Variants in LIN9 observed in about 807,000 individuals in gnomAD.
LIN9 encodes the protein protein lin-9 homolog.
LIN9 carries 18 observed loss-of-function variants against 78.0 expected under a neutral mutation model. The observed-to-expected ratio is 0.23, with a 90% CI of 0.16 to 0.34. The LOEUF (loss-of-function observed/expected upper bound fraction) is 0.34, where lower values mean the gene tolerates loss of function less well. LIN9 is among the 10% of genes least tolerant of loss of function. LIN9 has a pLI of 1.00. For missense variants in LIN9, 451 were observed against 644.1 expected (o/e 0.70, Z 3.25); for synonymous variants, 192 against 215.2 (o/e 0.89, Z 0.94).
intron 3 of LIN9, 22 bp downstream of exon 3, chr1:226,297,697 G>GT (rs1306252065): frequency 1.1e-5 from 16 of 1,464,578 alleles, no homozygotes; most frequent in Middle Eastern, 1.8e-4. Flanking sequence ...ATTCTAAAAT[G>GT]TAAGAAAAAC....
At chr1:226,235,385 C>A (rs1192021370) in intron 12 of LIN9, among the ~76,000 whole-genome samples, 1 of 143,092 alleles carries the variant, frequency 7.0e-6, no homozygotes, top group African/African-American at 2.6e-5. Context: ...AGAAAAAATT[C>A]TACTAACTAG....
intron 10 of LIN9, among the ~76,000 whole-genome samples, chr1:226,257,232 G>C (rs1438132610): frequency 6.6e-6 from 1 of 152,114 alleles, no homozygotes; most frequent in South Asian, 2.1e-4. Context: ...TCACAGGCGT[G>C]AGCCACCACA....
intron 10 of LIN9, among the ~76,000 whole-genome samples, chr1:226,252,110 C>T (rs1658869329): frequency 6.6e-6 from 1 of 151,836 alleles, no homozygotes; most frequent in African/African-American, 2.4e-5. Flanking sequence ...TTTGAGACCT[C>T]ATCTCCACAA....
intron 4 of LIN9, among the ~76,000 whole-genome samples, chr1:226,291,231 G>C (rs67440774): frequency 0.24 from 36,542 of 151,930 alleles, 4,736 homozygotes; most frequent in South Asian, 0.33. Context: ...AAAAATTTAC[G>C]AACAATTTAA....
intron 4 of LIN9, among the ~76,000 whole-genome samples, chr1:226,294,023 T>C (rs1253875927): frequency 6.6e-6 from 1 of 152,120 alleles, no homozygotes; most frequent in Non-Finnish European, 1.5e-5. Context: ...TGCTAAGTCC[T>C]TGGGTCAGGT....
intron 10 of LIN9, among the ~76,000 whole-genome samples, chr1:226,253,140 G>T (rs902246415): frequency 6.6e-6 from 1 of 151,600 alleles, no homozygotes; most frequent in African/African-American, 2.4e-5. Context: ...GCGCCCACCT[G>T]TAGTCCCAGC....
chr1:226,309,646 C>T (rs1663177836), upstream of LIN9: 1 of 1,276,882 alleles, frequency 7.8e-7, no homozygotes, highest in South Asian at 1.3e-5. Flanking sequence ...ACCCACGTTG[C>T]TTGGGCGCCT....
In LIN9 at chr1:226,264,115, G is replaced by A. The variant is rs1347355521; in HGVS notation, c.1038+1418C>T. On this transcript the variant is annotated intron_variant, in intron 10 of 14. Transcript: ENST00000681046. ...ATAAATAAATAGGCCAGGTGCAGTC[G>A]CTCATGCCTGCAATTCCAGCACTTT... Among the ~76,000 whole-genome samples, 7 of 152,142 alleles carry A rather than the reference G, an allele frequency of 4.6e-5. No individual in the cohort carries two copies. In the South Asian group the frequency reaches 8.3e-4, roughly 18 times the overall value.
At chr1:226,260,111 C>T (rs555569647) in intron 10 of LIN9, among the ~76,000 whole-genome samples, 39 of 152,220 alleles carry the variant, frequency 2.6e-4, no homozygotes, top group Non-Finnish European at 2.2e-4. Context: ...AAGATAAACT[C>T]CTTGAAATTT....
At chr1:226,296,593 AAAT>A (rs1225722345) in intron 3 of LIN9, among the ~76,000 whole-genome samples, 1 of 152,332 alleles carries the variant, frequency 6.6e-6, no homozygotes, top group South Asian at 2.1e-4. Context: ...AGAGAAAAAG[AAAT>A]AATATCCCGA....
intron 5 of LIN9, among the ~76,000 whole-genome samples, chr1:226,287,226 T>C (rs1330067955): frequency 1.3e-5 from 2 of 152,220 alleles, no homozygotes; most frequent in Non-Finnish European, 2.9e-5. Context: ...TAAGCATATG[T>C]GTATACCTAG....
chr1:226,273,206 T>G (rs1418820274), intron 7 of LIN9, among the ~76,000 whole-genome samples: 1 of 152,070 alleles, frequency 6.6e-6, no homozygotes, highest in Non-Finnish European at 1.5e-5. Flanking sequence ...TTGGGTTTTT[T>G]GTTGTTCCCT....
At chr1:226,254,938 C>T (rs1446577676) in intron 10 of LIN9, among the ~76,000 whole-genome samples, 2 of 144,150 alleles carry the variant, frequency 1.4e-5, no homozygotes, top group Non-Finnish European at 3.0e-5. Context: ...AAAAAGTCAA[C>T]GACACTTCTT....
At chr1:226,235,566 C>T (rs571578396) in intron 12 of LIN9, among the ~76,000 whole-genome samples, 2 of 152,280 alleles carry the variant, frequency 1.3e-5, no homozygotes, top group Admixed American at 6.5e-5. Flanking sequence ...AAATACAAAA[C>T]TCCAAAATCC....
chr1:226,233,911 T>C (rs904165196), intron 12 of LIN9, among the ~76,000 whole-genome samples: 1 of 152,206 alleles, frequency 6.6e-6, no homozygotes, highest in Non-Finnish European at 1.5e-5. Flanking sequence ...CTCCAGTTTG[T>C]ATTTCCTTGG....
intron 7 of LIN9, among the ~76,000 whole-genome samples, chr1:226,275,683 C>T (rs1660600828): frequency 8.0e-6 from 1 of 124,562 alleles, no homozygotes; most frequent in Non-Finnish European, 1.6e-5. Flanking sequence ...CAGAGCAAGA[C>T]TCCGTCTCAG....
chr1:226,307,682 A>G (rs2102694397), intron 1 of LIN9, among the ~76,000 whole-genome samples: 1 of 152,344 alleles, frequency 6.6e-6, no homozygotes, highest in East Asian at 1.9e-4. Context: ...GTATTCTACA[A>G]ATAAACAGTA....
chr1:226,271,902 C>T (rs1453403015), intron 7 of LIN9, among the ~76,000 whole-genome samples: 1 of 152,064 alleles, frequency 6.6e-6, no homozygotes, highest in Non-Finnish European at 1.5e-5. Flanking sequence ...AAAATAGCCA[C>T]TTTAGCTTTC....
chr1:226,272,865 T>G (rs995621879), intron 7 of LIN9, among the ~76,000 whole-genome samples: 2 of 152,142 alleles, frequency 1.3e-5, no homozygotes, highest in Admixed American at 1.3e-4. Context: ...GTCCCAGAGC[T>G]TGGGGCCTTC....
Sources: gnomAD v4.1 joint callset for allele counts (sites outside exome capture counted in the v4.1 genomes callset) on GRCh38, gnomAD v4.1.1 for gene constraint, MANE v1.5 for transcripts, NCBI Gene and HGNC (gene_info 2026-07-23, HGNC 2026-07-21) for gene names.